Variants in RRAS2 observed in about 807,000 individuals in gnomAD.
The protein encoded by RRAS2 is ras-related protein R-Ras2.
Under a neutral mutation model 27.6 loss-of-function variants are expected in RRAS2, and 7 were observed. The observed-to-expected ratio is 0.25, with a 90% CI of 0.14 to 0.48. The LOEUF is 0.48. Ranked by LOEUF, RRAS2 falls within the 20% of genes least tolerant of loss-of-function variation. The pLI, the probability that RRAS2 is intolerant of heterozygous loss-of-function variation, is 0.99. For synonymous variants in RRAS2, 86 were observed against 90.9 expected, an observed-to-expected ratio of 0.95 and a Z score of 0.31; for missense variants, 178 against 256.2, an observed-to-expected ratio of 0.69 and a Z score of 2.08.
At chr11:14,325,865 T>C (rs1209770730) in intron 1 of RRAS2, among the ~76,000 whole-genome samples, 1 of 152,198 alleles carries the variant, frequency 6.6e-6, no homozygotes, top group African/African-American at 2.4e-5. Context: ...ATCTTCTACT[T>C]GATTTGTAAA....
chr11:14,355,929 T>C (rs943918638), intron 1 of RRAS2, among the ~76,000 whole-genome samples: 1 of 152,190 alleles, frequency 6.6e-6, no homozygotes, highest in African/African-American at 2.4e-5. Context: ...GCTACCCTAT[T>C]AAGTGTAAAT....
At position 14,329,006 on chromosome 11, in the gene RRAS2, T is replaced by TGC. The variant is rs1554951526; in HGVS notation, c.108+29756_108+29757insGC. 9.1e-5 allele frequency among the ~76,000 whole-genome samples: 5 copies of TGC among 55,108 alleles called. No homozygotes were observed. The Admixed American group carries it at 1.3e-3, about 14-fold the overall frequency. 36.2% of individuals were successfully genotyped at this position (55,108 alleles called of 152,430 possible). On this transcript the variant is annotated intron_variant, in intron 1 of 5. Transcript: ENST00000256196. ...ATATATGTGTGTGTGTGTGTGTGTG[T>TGC]GTGTGTATATATATATATATATACA... is the stretch of plus-strand genomic sequence containing the variant.
chr11:14,328,794 A>G (rs1848421683), intron 1 of RRAS2, among the ~76,000 whole-genome samples: 1 of 151,896 alleles, frequency 6.6e-6, no homozygotes, highest in Non-Finnish European at 1.5e-5. Flanking sequence ...CCTCCCCAGT[A>G]GCTGGGATTA....
chr11:14,310,274 C>T (rs1189870543), intron 1 of RRAS2, among the ~76,000 whole-genome samples: 1 of 152,196 alleles, frequency 6.6e-6, no homozygotes, highest in African/African-American at 2.4e-5. Context: ...ACTTATTAGA[C>T]ACCTACAGAA....
In RRAS2 at chr11:14,358,714, C is replaced by G. The variant is rs782441022; in HGVS notation, c.108+49G>C. 5 of 1,167,846 alleles carry G rather than the reference C, an allele frequency of 4.3e-6. No homozygotes were observed. The highest frequency in any genetic ancestry group is 8.5e-5 in the Admixed American group (2 of 23,506). 72.3% of individuals were successfully genotyped at this position (1,167,846 alleles called of 1,614,324 possible). ...GCCGCCCCGCCACAGGTAGCGCCAG[C>G]CCCCGCCCGCCGCCGCTCCGGCGCC... On this transcript the variant is annotated intron_variant, in intron 1 of 5. Transcript: ENST00000256196. The surrounding 1 kb of genome is among the most constrained non-coding windows in gnomAD (Gnocchi z 5.1).
chr11:14,328,138 C>G (rs1848404107), intron 1 of RRAS2, among the ~76,000 whole-genome samples: 1 of 152,086 alleles, frequency 6.6e-6, no homozygotes, highest in Non-Finnish European at 1.5e-5. Context: ...GAGGCCGAGG[C>G]AGGCGGATCA....
chr11:14,347,749 C>T (rs1169913046), intron 1 of RRAS2, among the ~76,000 whole-genome samples: 2 of 151,984 alleles, frequency 1.3e-5, no homozygotes, highest in Non-Finnish European at 2.9e-5. Context: ...CCAGGAGTTC[C>T]GAGGGTGCAG....
chr11:14,324,148 A>G (rs1240885220), intron 1 of RRAS2, among the ~76,000 whole-genome samples: 1 of 152,026 alleles, frequency 6.6e-6, no homozygotes, highest in African/African-American at 2.4e-5. Context: ...AATATATTTG[A>G]TATGATTATC....
upstream of RRAS2, among the ~76,000 whole-genome samples, chr11:14,362,491 C>T (rs1849203804): frequency 6.6e-6 from 1 of 151,238 alleles, no homozygotes; most frequent in Admixed American, 6.6e-5. Context: ...TCCATGCAAA[C>T]ACAAATCACT....
intron 4 of RRAS2, among the ~76,000 whole-genome samples, chr11:14,284,642 C>T (rs1564953214): frequency 6.6e-6 from 1 of 152,042 alleles, no homozygotes; most frequent in African/African-American, 2.4e-5. Context: ...CCTTGTAGTT[C>T]TTAACATCTT....
Position 14,358,968 on chromosome 11 carries a change from G to A in RRAS2, c.-98C>T. The A allele has an allele frequency of 1.7e-6, 2 of 1,155,736 alleles. No individual in the cohort carries two copies. The allele number at this position is 1,155,736 out of a possible 1,614,324, so 71.6% of individuals were successfully genotyped here. On this transcript the variant is annotated 5_prime_UTR_variant, in exon 1 of 6. Transcript: ENST00000256196. The surrounding 1 kb of genome is among the most constrained non-coding windows in gnomAD (Gnocchi z 5.1). Reference sequence around the variant, plus strand: ...CGTGTGCGGCCGGCGGGCTGCGGGCGAGCGGCCGGGCTGGGGTCCCGGGTA... The same window carrying A: ...CGTGTGCGGCCGGCGGGCTGCGGGCAAGCGGCCGGGCTGGGGTCCCGGGTA...
rs1353730713 is a variant in RRAS2, at chr11:14,278,880, G to A, written c.*457C>T. 1 of 157,148 alleles carries A rather than the reference G, an allele frequency of 6.4e-6. No homozygotes were observed. The highest frequency in any genetic ancestry group is 1.4e-5 in the Non-Finnish European group (1 of 70,824). The allele number at this position is 157,148 out of a possible 1,614,324, so 9.7% of individuals were successfully genotyped here. On this transcript the variant is annotated 3_prime_UTR_variant, in exon 6 of 6. Transcript: ENST00000256196. ...GTAGATTCAATTCAGTGTATTTAAG[G>A]TTAACAAAGGCTGACATTGAAATGT...
At chr11:14,330,567 AAT>A (rs1261504495) in intron 1 of RRAS2, among the ~76,000 whole-genome samples, 3 of 152,180 alleles carry the variant, frequency 2.0e-5, no homozygotes, top group Non-Finnish European at 4.4e-5. Context: ...CAGAAACTTA[AAT>A]GAGTACCACT....
chr11:14,342,851 GA>G (rs1380505421), intron 1 of RRAS2, among the ~76,000 whole-genome samples: 3 of 151,978 alleles, frequency 2.0e-5, no homozygotes, highest in Admixed American at 6.6e-5. Flanking sequence ...AATTTTCAAA[GA>G]ATTAAAAATA....
At chr11:14,360,853 G>A (rs551337832), upstream of RRAS2, among the ~76,000 whole-genome samples, 1 of 151,590 alleles carries the variant, frequency 6.6e-6, no homozygotes, top group South Asian at 2.1e-4. Context: ...CCTGGGACGC[G>A]GAAGTGACAG....
chr11:14,360,125 C>G (rs530803209), upstream of RRAS2, among the ~76,000 whole-genome samples: 3 of 151,976 alleles, frequency 2.0e-5, no homozygotes, highest in East Asian at 5.8e-4. Flanking sequence ...CATAAGACTG[C>G]CATGCTAAAG....
At chr11:14,316,701 C>G (rs782679888) in intron 1 of RRAS2, among the ~76,000 whole-genome samples, 1 of 152,202 alleles carries the variant, frequency 6.6e-6, no homozygotes, top group African/African-American at 2.4e-5. Context: ...TATGATCGCA[C>G]CACTGCACTT....
intron 1 of RRAS2, among the ~76,000 whole-genome samples, chr11:14,340,984 G>A (rs1848693165): frequency 1.3e-5 from 2 of 152,106 alleles, no homozygotes; most frequent in South Asian, 4.2e-4. Context: ...AAAGGCATAA[G>A]TACCCAAATC....
intron 1 of RRAS2, among the ~76,000 whole-genome samples, chr11:14,318,438 G>A (rs1848158348): frequency 6.6e-6 from 1 of 152,074 alleles, no homozygotes; most frequent in South Asian, 2.1e-4. Context: ...GAGAGGCAGA[G>A]GTTGCAGTGA....
Sources: gnomAD v4.1 joint callset for allele counts (sites outside exome capture counted in the v4.1 genomes callset) on GRCh38, gnomAD v4.1.1 for gene constraint, Gnocchi (gnomAD v3.1) non-coding constraint, MANE v1.5 for transcripts, NCBI Gene and HGNC (gene_info 2026-07-23, HGNC 2026-07-21) for gene names.